CDH26: variants seen among roughly 807,000 people sequenced by gnomAD.
CDH26 encodes the protein cadherin 26, also known as cadherin-like protein 26.
CDH26 carries 83 observed loss-of-function variants against 90.3 expected under a neutral mutation model. That is an observed-to-expected ratio of 0.92 (90% CI 0.77 to 1.10). The LOEUF is 1.10. CDH26 is among the 50% of genes least tolerant of loss of function. CDH26 has a pLI of 0.00. For missense variants in CDH26, 1,013 were observed against 1,037.6 expected, an observed-to-expected ratio of 0.98 and a Z score of 0.33; for synonymous variants, 397 against 396.3, an observed-to-expected ratio of 1.00 and a Z score of -0.02.
chr20:60,032,052 T>A (rs2062043575), intron 8 of CDH26, among the ~76,000 whole-genome samples: 1 of 152,246 alleles, frequency 6.6e-6, no homozygotes, highest in African/African-American at 2.4e-5. Flanking sequence ...CACAGTATTA[T>A]AATTCAATAA....
chr20:59,995,832 G>A lies in CDH26; in HGVS notation c.1667-1G>A. The stretch of plus-strand genomic sequence containing the variant: ...ATGCCATGTTCTTTTTCCCTTTGCA[G>A]GTCAATCAGTTGAACTTTTAACCTT... On this transcript the variant is annotated splice_acceptor_variant, in intron 11 of 17. Coordinates refer to ENST00000348616, the MANE Select transcript of CDH26 (RefSeq NM_177980.4). LOFTEE classifies it high-confidence loss of function. 1 of 1,613,862 alleles carries A rather than the reference G, an allele frequency of 6.2e-7. No individual in the cohort carries two copies. The highest frequency in any genetic ancestry group is 1.3e-5 in the African/African-American group (1 of 75,048).
intron 17 of CDH26, among the ~76,000 whole-genome samples, chr20:60,007,260 A>G (rs2061766771): frequency 6.6e-6 from 1 of 152,220 alleles, no homozygotes; most frequent in South Asian, 2.1e-4. Flanking sequence ...TTAAGTCCAT[A>G]GCAATCACTT....
At chr20:60,033,607 G>A (rs944948461) in exon 9 of CDH26, 10 of 1,304,842 alleles carry the variant, frequency 7.7e-6, no homozygotes, top group Non-Finnish European at 9.1e-6. Flanking sequence ...TTAACAAAAA[G>A]GCATGTTTCC....
chr20:60,000,723 G>A (rs774980210), intron 14 of CDH26, among the ~76,000 whole-genome samples: 1 of 152,166 alleles, frequency 6.6e-6, no homozygotes, highest in Non-Finnish European at 1.5e-5. Context: ...GTGTATCTCT[G>A]GGTTCCCTTC....
intron 1 of CDH26, among the ~76,000 whole-genome samples, chr20:59,962,110 G>A (rs558649065): frequency 6.6e-5 from 10 of 152,278 alleles, no homozygotes; most frequent in African/African-American, 2.2e-4. Flanking sequence ...AAGCTGAGAG[G>A]GTCAGCAGGG....
chr20:60,011,517 A>G (rs1191205468), intron 17 of CDH26, among the ~76,000 whole-genome samples: 1 of 152,252 alleles, frequency 6.6e-6, no homozygotes, highest in Non-Finnish European at 1.5e-5. Flanking sequence ...TGCAGGGGTC[A>G]GTGAACTTCC....
chr20:60,000,113 A>T (rs117775515), intron 14 of CDH26, among the ~76,000 whole-genome samples: 3,612 of 152,366 alleles, frequency 0.024, 60 homozygotes, highest in Non-Finnish European at 0.033. Flanking sequence ...CCATGAAAGA[A>T]GTAGGGCACA....
At chr20:59,960,698 ACCTTTATCTC>A (rs781274805) in intron 1 of CDH26, among the ~76,000 whole-genome samples, 3 of 152,054 alleles carry the variant, frequency 2.0e-5, no homozygotes, top group Non-Finnish European at 4.4e-5. Context: ...TCCTTTGAAA[ACCTTTATCTC>A]CCTTTACCTC....
downstream of CDH26, among the ~76,000 whole-genome samples, chr20:60,015,334 T>G (rs779649662): frequency 6.6e-6 from 1 of 152,242 alleles, no homozygotes; most frequent in South Asian, 2.1e-4. Context: ...CTAACTGGGA[T>G]GAGATAATAC....
intron 9 of CDH26, among the ~76,000 whole-genome samples, chr20:59,989,622 G>GCCA (rs1317196753): frequency 6.6e-6 from 1 of 151,812 alleles, no homozygotes; most frequent in Non-Finnish European, 1.5e-5. Flanking sequence ...AATACAAGAA[G>GCCA]CCACAGTGCA....
rs2061490377 is a variant in CDH26, at chr20:59,988,892, C to G, written c.1024-12C>G. ...AGCAGGTGCTAATGAAATCCTCTCT[C>G]TGGGGTTCCAGCCTTTGGATTATGA... On this transcript the variant is annotated splice_polypyrimidine_tract_variant and intron_variant, in intron 8 of 17. Transcript: ENST00000348616. 1 of 1,611,992 alleles carries G rather than the reference C, an allele frequency of 6.2e-7. No individual in the cohort carries two copies.
intron 4 of CDH26, among the ~76,000 whole-genome samples, chr20:59,978,851 T>C (rs1318854545): frequency 6.6e-6 from 1 of 152,214 alleles, no homozygotes; most frequent in African/African-American, 2.4e-5. Context: ...TATGAAGTTT[T>C]TAATAACTTC....
intron 7 of CDH26, among the ~76,000 whole-genome samples, chr20:60,026,390 TAGAGAG>T (rs60922926): frequency 0.34 from 47,158 of 139,232 alleles, 7,573 homozygotes; most frequent in East Asian, 0.45. Context: ...TGGCTGGAGT[TAGAGAG>T]AGAGAGAGAG....
At chr20:60,027,445 C>T (rs891605615) in intron 7 of CDH26, among the ~76,000 whole-genome samples, 6 of 152,104 alleles carry the variant, frequency 3.9e-5, no homozygotes, top group Non-Finnish European at 8.8e-5. Context: ...CCTCTTCCTC[C>T]TCCTCTTCCT....
At chr20:59,999,760 A>G in intron 14 of CDH26, 97 bp downstream of exon 14, 2 of 1,113,260 alleles carry the variant, frequency 1.8e-6, no homozygotes, top group South Asian at 1.3e-5. Flanking sequence ...CCAGTGCCAC[A>G]TCCAGGGAGG....
chr20:60,010,023 G>T (rs983778702), intron 17 of CDH26, among the ~76,000 whole-genome samples: 4 of 152,044 alleles, frequency 2.6e-5, no homozygotes, highest in African/African-American at 9.7e-5. Flanking sequence ...CCAGTCAATG[G>T]GCCAGATGTG....
intron 4 of CDH26, among the ~76,000 whole-genome samples, chr20:59,978,691 A>G (rs1321732480): frequency 3.3e-5 from 5 of 152,108 alleles, no homozygotes; most frequent in Admixed American, 3.3e-4. Flanking sequence ...TACTTTTTAC[A>G]TATAAAATTA....
chr20:59,985,428 C>T (rs929362739), intron 7 of CDH26, among the ~76,000 whole-genome samples: 4 of 151,938 alleles, frequency 2.6e-5, no homozygotes, highest in African/African-American at 7.3e-5. Flanking sequence ...ATGCAAGACA[C>T]GGGAGGTGGG....
chr20:60,017,319 T>C (rs1011057244), downstream of CDH26, among the ~76,000 whole-genome samples: 1 of 152,092 alleles, frequency 6.6e-6, no homozygotes, highest in African/African-American at 2.4e-5. Context: ...GTTTTCTATT[T>C]CTTTTTGGAT....
Sources: allele counts gnomAD v4.1 joint callset (sites outside exome capture counted in the v4.1 genomes callset), GRCh38; gene constraint gnomAD v4.1.1; transcripts MANE v1.5; gene names NCBI Gene and HGNC (gene_info 2026-07-23, HGNC 2026-07-21).